The following NCBP2 variants were observed in gnomAD, a reference collection of about 807,000 sequenced individuals.
NCBP2 encodes the protein nuclear cap-binding protein subunit 2.
In NCBP2, 8 loss-of-function variants were observed where a neutral mutation model predicts 21.5. The observed-to-expected ratio is 0.37, with a 90% CI of 0.22 to 0.67. The LOEUF (loss-of-function observed/expected upper bound fraction) is 0.67, where lower values mean the gene tolerates loss of function less well. NCBP2 is among the 30% of genes least tolerant of loss of function. NCBP2 has a pLI of 0.56. For synonymous variants in NCBP2, 92 were observed against 75.8 expected (o/e 1.21, Z -1.11); for missense variants, 127 against 206.9 (o/e 0.61, Z 2.37).
intron 1 of NCBP2, among the ~76,000 whole-genome samples, chr3:196,940,325 T>G (rs562810736): frequency 1.3e-5 from 2 of 152,020 alleles, no homozygotes; most frequent in African/African-American, 2.4e-5. Flanking sequence ...GGAGCTGAGA[T>G]TGCACCACTG....
intron 3 of NCBP2, 153 bp from the exon 4 acceptor site, chr3:196,937,235 C>T (rs1013467235): frequency 1.2e-5 from 10 of 840,962 alleles, no homozygotes; most frequent in African/African-American, 3.4e-5. Flanking sequence ...CACTTCAGTG[C>T]GTTTTGCTTT....
In NCBP2 at chr3:196,935,751, A is replaced by T. The variant is rs566629394; in HGVS notation, c.*1260T>A. On this transcript the variant is annotated 3_prime_UTR_variant, in exon 4 of 4. Transcript: ENST00000321256. ...AAGTGAAAAAAATGCACATTTTTTC[A>T]TATCAGGGAAAATTATACTGGACTT... is the stretch of plus-strand genomic sequence containing the variant. The T allele has an allele frequency of 3.3e-5, 5 of 152,214 alleles. No individual in the cohort carries two copies. The highest frequency in any genetic ancestry group is 7.3e-5 in the Non-Finnish European group (5 of 68,038). The allele number at this position is 152,214 out of a possible 1,614,324, so 9.4% of individuals were successfully genotyped here.
At chr3:196,939,454 AAAGTT>A (rs745584354) in intron 1 of NCBP2, 22 bp from the exon 2 acceptor site, 7 of 1,531,834 alleles carry the variant, frequency 4.6e-6, no homozygotes, top group Non-Finnish European at 3.6e-6. Flanking sequence ...AATAGAGACA[AAAGTT>A]AAGCAACTTC....
chr3:196,937,748 C>T, intron 2 of NCBP2, 100 bp from the exon 3 acceptor site: 1 of 1,437,878 alleles, frequency 7.0e-7, no homozygotes, highest in Non-Finnish European at 9.6e-7. Context: ...AAGAGCTAAT[C>T]CAACCAGATG....
chr3:196,941,736 G>T, intron 1 of NCBP2: 17 of 550,482 alleles, frequency 3.1e-5, no homozygotes, highest in East Asian at 6.7e-5. Flanking sequence ...AGTCTACTTT[G>T]AATATCTGCT....
At position 196,936,971 on chromosome 3, in the gene NCBP2, A is replaced by T. The variant is rs756701788; in HGVS notation, c.*40T>A. ...GGTGATGTTCTTCAGCAAATTCAAC[A>T]GGCCAAAGGAGTGTTTGTCACTGAC... is the stretch of plus-strand genomic sequence containing the variant. On this transcript the variant is annotated 3_prime_UTR_variant, in exon 4 of 4. Coordinates refer to ENST00000321256, the MANE Select transcript of NCBP2 (RefSeq NM_007362.5). 1.6e-5 allele frequency: 26 copies of T among 1,593,264 alleles called. 2 individuals are homozygous for T. The South Asian group carries it at 2.9e-4, about 18-fold the overall frequency.
rs1716280602 is a variant in NCBP2, at chr3:196,936,706, T to TA, written c.*304dup. On this transcript the variant is annotated 3_prime_UTR_variant, in exon 4 of 4. Coordinates refer to ENST00000321256, the MANE Select transcript of NCBP2 (RefSeq NM_007362.5). ...AAATTCTTACATTTTTCTGTCTTTC[T>TA]AAAAGTGTAGTGGTTATGGCTAAAG... is the stretch of plus-strand genomic sequence containing the variant. 2 of 383,902 alleles carry TA rather than the reference T, an allele frequency of 5.2e-6. No individual in the cohort carries two copies. Among genetic ancestry groups the TA allele is most frequent in the East Asian group, 9.9e-5 (2 of 20,286 alleles). 23.8% of individuals were successfully genotyped at this position (383,902 alleles called of 1,614,324 possible).
At chr3:196,940,705 A>G (rs1339333882) in intron 1 of NCBP2, among the ~76,000 whole-genome samples, 1 of 152,258 alleles carries the variant, frequency 6.6e-6, no homozygotes, top group Non-Finnish European at 1.5e-5. Flanking sequence ...AATAATAGAC[A>G]AAGTCAGAAG....
At chr3:196,941,815 A>G in intron 1 of NCBP2, 2 of 1,238,722 alleles carry the variant, frequency 1.6e-6, no homozygotes, top group South Asian at 2.7e-5. Flanking sequence ...TCTGAAATCC[A>G]GCAATTCTCC....
intron 2 of NCBP2, chr3:196,937,851 C>G (rs1560169067): frequency 5.1e-6 from 3 of 588,422 alleles, no homozygotes; most frequent in Non-Finnish European, 6.0e-6. Flanking sequence ...CATGGCTACA[C>G]TGATCATATT....
intron 1 of NCBP2, 72 bp from the exon 2 acceptor site, chr3:196,939,504 A>T: frequency 9.0e-7 from 1 of 1,110,602 alleles, no homozygotes; most frequent in South Asian, 1.6e-5. Flanking sequence ...TAAGTACGGT[A>T]GAGACATTCA....
In NCBP2 at chr3:196,936,894, A is replaced by G; in HGVS notation, c.*117T>C. 3 of 892,716 alleles carry G rather than the reference A, an allele frequency of 3.4e-6. No homozygotes were observed. The highest frequency in any genetic ancestry group is 3.7e-6 in the Non-Finnish European group (2 of 541,220). 55.3% of individuals were successfully genotyped at this position (892,716 alleles called of 1,614,324 possible). ...AATAACTTTCAGAGGCTTCCAGCTC[A>G]GTAAAGACACTGATCAAATCTTGGT... On this transcript the variant is annotated 3_prime_UTR_variant, in exon 4 of 4. Transcript: ENST00000321256.
In NCBP2 at chr3:196,939,251, T is replaced by A; in HGVS notation, c.260A>T (p.Glu87Val). Reference sequence around the variant, plus strand: ...TACATTAGATCCATGGGAAGGATACTCCACAAAACAGAATCCACATGCTGT... The same window carrying A: ...TACATTAGATCCATGGGAAGGATACACCACAAAACAGAATCCACATGCTGT... The part of the protein sequence containing the change: ...KKTACGFCFV[E>V]YYSRADAENA... The change falls in exon 2 of 4, where the codon GAA becomes GTA. Residue 87 changes from glutamate (E) to valine (V), a missense_variant and splice_region_variant. Glu to Val is a moderately radical substitution (Grantham distance 121). Coordinates refer to ENST00000321256, the MANE Select transcript of NCBP2 (RefSeq NM_007362.5). 6.2e-7 allele frequency: 1 copy of A among 1,612,584 alleles called. No individual in the cohort carries two copies. Among genetic ancestry groups the A allele is most frequent in the Non-Finnish European group, 8.5e-7 (1 of 1,178,626 alleles).
At chr3:196,941,773 T>G in intron 1 of NCBP2, 1 of 744,918 alleles carries the variant, frequency 1.3e-6, no homozygotes, top group Non-Finnish European at 2.1e-6. Context: ...CAAAATATAC[T>G]GTGATATAGT....
chr3:196,940,033 C>T (rs1051941075), intron 1 of NCBP2: 1 of 152,386 alleles, frequency 6.6e-6, no homozygotes, highest in Admixed American at 6.5e-5. Flanking sequence ...AACTGGGCTT[C>T]ATCCAACACA....
intron 2 of NCBP2, 170 bp from the exon 3 acceptor site, chr3:196,937,818 T>TA: frequency 3.0e-6 from 2 of 672,166 alleles, no homozygotes; most frequent in South Asian, 1.8e-5. Context: ...TGGAAGCACA[T>TA]AGAGTCAAAT....
chr3:196,939,711 T>G (rs1363075814), intron 1 of NCBP2, among the ~76,000 whole-genome samples: 1 of 152,208 alleles, frequency 6.6e-6, no homozygotes, highest in Non-Finnish European at 1.5e-5. Context: ...CCCTTTTCCC[T>G]GCACACACCA....
At chr3:196,938,567 T>G (rs1716375133) in intron 2 of NCBP2, 1 of 152,248 alleles carries the variant, frequency 6.6e-6, no homozygotes, top group Non-Finnish European at 1.5e-5. Context: ...GTAAATAGTT[T>G]TGGTTTGTAC....
intron 1 of NCBP2, chr3:196,941,845 C>T: frequency 2.1e-6 from 3 of 1,452,828 alleles, no homozygotes; most frequent in Non-Finnish European, 2.8e-6. Context: ...ATCCGAACAC[C>T]CTCAAAGTGC....
Sources: gnomAD v4.1 joint callset for allele counts (sites outside exome capture counted in the v4.1 genomes callset) on GRCh38, gnomAD v4.1.1 for gene constraint, MANE v1.5 for transcripts, NCBI Gene and HGNC (gene_info 2026-07-23, HGNC 2026-07-21) for gene names.